The following CNTN1 variants were observed in gnomAD, a reference collection of about 807,000 sequenced individuals.
CNTN1 encodes the protein contactin-1.
Under a neutral mutation model 126.4 loss-of-function variants are expected in CNTN1, and 38 were observed. The observed-to-expected ratio is 0.30, with a 90% CI of 0.23 to 0.39. The LOEUF (loss-of-function observed/expected upper bound fraction) is 0.39, where lower values mean the gene tolerates loss of function less well. Ranked by LOEUF, CNTN1 falls within the 10% of genes least tolerant of loss-of-function variation. The pLI is 1.00. For synonymous variants in CNTN1, 413 were observed against 422.6 expected (o/e 0.98, Z 0.28); for missense variants, 1,009 against 1,248.4 (o/e 0.81, Z 2.89).
intron 1 of CNTN1, among the ~76,000 whole-genome samples, chr12:40,749,493 A>C (rs1938311457): frequency 6.6e-6 from 1 of 152,150 alleles, no homozygotes; most frequent in South Asian, 2.1e-4. Context: ...TAAGAGCCAG[A>C]ATATAAGTAT....
intron 1 of CNTN1, among the ~76,000 whole-genome samples, chr12:40,826,948 TAAC>T (rs146191131): frequency 0.012 from 1,777 of 152,320 alleles, 32 homozygotes; most frequent in African/African-American, 0.04. Context: ...GTGACCTTAA[TAAC>T]ATCATGTTCA....
intron 1 of CNTN1, among the ~76,000 whole-genome samples, chr12:40,817,242 TG>T (rs1237892990): frequency 6.6e-6 from 1 of 152,148 alleles, no homozygotes; most frequent in Admixed American, 6.5e-5. Flanking sequence ...ATGCTGACAG[TG>T]GGGTGTTAAA....
At chr12:41,021,828 G>C (rs7972694) in intron 20 of CNTN1, among the ~76,000 whole-genome samples, 3,858 of 152,074 alleles carry the variant, frequency 0.025, 160 homozygotes, top group African/African-American at 0.088. Flanking sequence ...GTAGGAAAGA[G>C]AGAAATTCAC....
At chr12:40,990,128 A>C (rs1265268115) in intron 16 of CNTN1, among the ~76,000 whole-genome samples, 3 of 152,118 alleles carry the variant, frequency 2.0e-5, no homozygotes, top group Non-Finnish European at 4.4e-5. Context: ...TATTGAGGGG[A>C]TATTATAACT....
chr12:40,767,043 T>C (rs1939122379), intron 1 of CNTN1, among the ~76,000 whole-genome samples: 1 of 152,132 alleles, frequency 6.6e-6, no homozygotes, highest in African/African-American at 2.4e-5. Context: ...TGGAGATAGA[T>C]TTGAGAATCA....
At chr12:40,847,948 C>T (rs761206119) in intron 1 of CNTN1, among the ~76,000 whole-genome samples, 13 of 152,202 alleles carry the variant, frequency 8.5e-5, no homozygotes, top group Non-Finnish European at 1.9e-4. Context: ...ATCACTTGCA[C>T]GGGCAGTTCA....
Position 41,069,959 on chromosome 12 carries a change from G to A in CNTN1, c.2981G>A (p.Gly994Asp), listed in dbSNP as rs1174104877. Residue 994 changes from glycine (G) to aspartate (D), a missense_variant and splice_region_variant, in exon 24 of 24, where the codon GGT becomes GAT. Transcript: ENST00000551295. ...TGCACACTTTTGGTTTACCTTGCAG[G>A]TGCACCCACCCTATCCCCAAGTCTT... Reference protein sequence around the residue: ...DGVVSQVKISGAPTLSPSLLG... With the variant: ...DGVVSQVKISDAPTLSPSLLG... 6.2e-7 allele frequency: 1 copy of A among 1,613,630 alleles called. No individual in the cohort carries two copies.
At chr12:40,756,061 G>C (rs1393119489) in intron 1 of CNTN1, among the ~76,000 whole-genome samples, 1 of 152,092 alleles carries the variant, frequency 6.6e-6, no homozygotes, top group African/African-American at 2.4e-5. Flanking sequence ...CACAGAAAAG[G>C]TGTAACTGAT....
intron 1 of CNTN1, among the ~76,000 whole-genome samples, chr12:40,802,250 C>A (rs550207745): frequency 1.3e-5 from 2 of 151,778 alleles, no homozygotes. Context: ...AAGATGACAT[C>A]TATAACAGGA....
chr12:40,836,691 TG>T (rs1220349721), intron 1 of CNTN1, among the ~76,000 whole-genome samples: 1 of 152,186 alleles, frequency 6.6e-6, no homozygotes, highest in African/African-American at 2.4e-5. Context: ...TTTAAGTATT[TG>T]TATAATGGTT....
intron 17 of CNTN1, among the ~76,000 whole-genome samples, chr12:40,996,880 C>T (rs994230160): frequency 2.6e-5 from 4 of 152,068 alleles, no homozygotes; most frequent in East Asian, 1.9e-4. Context: ...TTTGTCTTGT[C>T]GTGTACCATT....
At chr12:40,813,058 T>TCTTCCTTCCTTCCTTC (rs1208093195) in intron 1 of CNTN1, among the ~76,000 whole-genome samples, 8 of 104,704 alleles carry the variant, frequency 7.6e-5, no homozygotes, top group African/African-American at 2.8e-4. Context: ...TTTCTTTCTT[T>TCTTCCTTCCTTCCTTC]CTTCCTTCCT....
intron 23 of CNTN1, among the ~76,000 whole-genome samples, chr12:41,048,250 G>C (rs1158671679): frequency 6.6e-6 from 1 of 152,120 alleles, no homozygotes; most frequent in East Asian, 1.9e-4. Context: ...CCATAGTGCT[G>C]CTGGGCCATT....
chr12:41,045,455 T>G (rs1275838756), intron 23 of CNTN1, among the ~76,000 whole-genome samples: 2 of 152,124 alleles, frequency 1.3e-5, no homozygotes, highest in African/African-American at 4.8e-5. Context: ...GAAAACCATT[T>G]AGAAAGGAAA....
chr12:41,014,355 C>T (rs757568481), intron 18 of CNTN1, 57 bp downstream of exon 18: 21 of 1,548,630 alleles, frequency 1.4e-5, no homozygotes, highest in Non-Finnish European at 1.6e-5. Flanking sequence ...TTAACTTCCA[C>T]CCCATTTTGT....
intron 17 of CNTN1, among the ~76,000 whole-genome samples, chr12:40,996,057 G>A (rs1267280441): frequency 6.6e-6 from 1 of 152,034 alleles, no homozygotes; most frequent in Non-Finnish European, 1.5e-5. Flanking sequence ...TGTGGCTCCG[G>A]GCCACTGATC....
intron 1 of CNTN1, among the ~76,000 whole-genome samples, chr12:40,898,628 T>C (rs1009056663): frequency 2.0e-5 from 3 of 152,172 alleles, no homozygotes; most frequent in Non-Finnish European, 4.4e-5. Context: ...ACTGATACAA[T>C]GACCTGTATT....
chr12:40,859,881 C>T (rs940735131), intron 1 of CNTN1, among the ~76,000 whole-genome samples: 4 of 152,078 alleles, frequency 2.6e-5, no homozygotes, highest in African/African-American at 9.7e-5. Context: ...CAAAACTTTT[C>T]TACTTTCAAC....
At chr12:40,772,664 G>T (rs866638534) in intron 1 of CNTN1, among the ~76,000 whole-genome samples, 19 of 152,002 alleles carry the variant, frequency 1.2e-4, no homozygotes, top group Non-Finnish European at 2.1e-4. Context: ...TGAATATTGA[G>T]CTGATGTTGG....
Sources: allele counts gnomAD v4.1 joint callset (sites outside exome capture counted in the v4.1 genomes callset), GRCh38; gene constraint gnomAD v4.1.1; transcripts MANE v1.5; gene names NCBI Gene and HGNC (gene_info 2026-07-23, HGNC 2026-07-21).